The following MAPK8IP1 variants were observed in gnomAD, a reference collection of about 807,000 sequenced individuals.
The protein encoded by MAPK8IP1 is mitogen-activated protein kinase 8 interacting protein 1, also known as C-Jun-amino-terminal kinase-interacting protein 1.
Under a neutral mutation model 72.6 loss-of-function variants are expected in MAPK8IP1, and 17 were observed. The ratio of observed to expected loss-of-function variants is 0.23; its 90% CI spans 0.16 to 0.35. The LOEUF is 0.35. MAPK8IP1 is among the 10% of genes least tolerant of loss of function. MAPK8IP1 has a pLI of 1.00. For missense variants in MAPK8IP1, 789 were observed against 1,009.7 expected, an observed-to-expected ratio of 0.78 and a Z score of 2.96; for synonymous variants, 401 against 443.4, an observed-to-expected ratio of 0.90 and a Z score of 1.20.
Position 45,900,179 on chromosome 11 carries a change from G to T in MAPK8IP1, c.249G>T (p.Ala83=), listed in dbSNP as rs986935518. The change falls in exon 3 of 12, where the codon GCG becomes GCT. Residue 83 remains alanine (A), a synonymous_variant. Coordinates refer to ENST00000241014, the MANE Select transcript of MAPK8IP1 (RefSeq NM_005456.4). This position sits in a 1 kb window ranked among gnomAD's most constrained non-coding sequence, Gnocchi z 6.5. ...TGCTCTCTGCGGGCGGCGGCGGCGC[G>T]GGGAGCCGGTTGCAGGCCGAGATGC... ...AGLLSAGGGG[A]GSRLQAEMLQ... The T allele has an allele frequency of 5.3e-6, 7 of 1,313,414 alleles. No individual in the cohort carries two copies. The highest frequency in any genetic ancestry group is 1.6e-5 in the African/African-American group (1 of 64,298). 81.4% of individuals were successfully genotyped at this position (1,313,414 alleles called of 1,614,324 possible).
At chr11:45,892,528 C>T (rs60217858) in intron 1 of MAPK8IP1, among the ~76,000 whole-genome samples, 2 of 152,164 alleles carry the variant, frequency 1.3e-5, no homozygotes, top group African/African-American at 4.8e-5. Flanking sequence ...TACAGTGATA[C>T]GGAACCACAG....
chr11:45,899,997 C>T, intron 2 of MAPK8IP1, 141 bp from the exon 3 acceptor site: 1 of 422,224 alleles, frequency 2.4e-6, no homozygotes, highest in Non-Finnish European at 3.5e-6. Flanking sequence ...GCGAGAGCGC[C>T]CCAGTCTCCG....
At position 45,900,625 on chromosome 11, in the gene MAPK8IP1, C is replaced by T. The variant is rs1377288753; in HGVS notation, c.522+173C>T. Among the ~76,000 whole-genome samples the T allele has an allele frequency of 6.6e-6, 1 of 152,208 alleles. No individual in the cohort carries two copies. The highest frequency in any genetic ancestry group is 1.5e-5 in the Non-Finnish European group (1 of 68,032). On this transcript the variant is annotated intron_variant, in intron 3 of 11. Coordinates refer to ENST00000241014, the MANE Select transcript of MAPK8IP1 (RefSeq NM_005456.4). This position sits in a 1 kb window ranked among gnomAD's most constrained non-coding sequence, Gnocchi z 6.5. Reference sequence around the variant, plus strand: ...TTGGGATCCGAGGAGCGGGCAGAACCATCCTTACGAAGAGGGGGCTGAGTC... The same window carrying T: ...TTGGGATCCGAGGAGCGGGCAGAACTATCCTTACGAAGAGGGGGCTGAGTC...
At position 45,904,131 on chromosome 11, in the gene MAPK8IP1, G is replaced by A. The variant is rs150751406; in HGVS notation, c.1636G>A (p.Glu546Lys). ...TGTCTTTCCTGCCTATTACGCCATC[G>A]AGGTCACCAAGGAGCCCGAGCACAT... is the stretch of plus-strand genomic sequence containing the variant. ...RGVFPAYYAI[E>K]VTKEPEHMAA... The change falls in exon 7 of 12, where the codon GAG becomes AAG. Residue 546 changes from glutamate (E) to lysine (K), a missense_variant. Transcript: ENST00000241014. This position sits in a 1 kb window ranked among gnomAD's most constrained non-coding sequence, Gnocchi z 6.4. The A allele has an allele frequency of 1.9e-4, 302 of 1,613,782 alleles. No homozygotes were observed. The highest frequency in any genetic ancestry group is 2.4e-4 in the Non-Finnish European group (280 of 1,179,998).
In MAPK8IP1 at chr11:45,885,882, C is replaced by A. The variant is rs1479826590; in HGVS notation, c.62C>A (p.Pro21Gln). The change falls in exon 1 of 12, where the codon CCG (proline) becomes CAG (glutamine). Residue 21 changes from proline (P) to glutamine (Q), a missense_variant. By Grantham distance (76) the Pro-to-Gln change is moderately conservative. Coordinates refer to ENST00000241014, the MANE Select transcript of MAPK8IP1 (RefSeq NM_005456.4). Reference protein sequence around the residue: ...GGAASPPAASPFLGLHIASPP... With the variant: ...GGAASPPAASQFLGLHIASPP... ...GCCGCGTCCCCGCCCGCCGCCTCCC[C>A]GTTCCTGGGGCTGCACATCGCTTCG... 2.7e-6 allele frequency: 4 copies of A among 1,462,974 alleles called. No homozygotes were observed. The highest frequency in any genetic ancestry group is 3.0e-5 in the East Asian group (1 of 33,364). The allele number at this position is 1,462,974 out of a possible 1,614,324, so 90.6% of individuals were successfully genotyped here.
Position 45,885,743 on chromosome 11 carries a change from G to C in MAPK8IP1, c.-78G>C. 1.2e-6 allele frequency: 1 copy of C among 840,742 alleles called. No homozygotes were observed. The highest frequency in any genetic ancestry group is 1.6e-6 in the Non-Finnish European group (1 of 610,820). 52.1% of individuals were successfully genotyped at this position (840,742 alleles called of 1,614,324 possible). ...ACTCCGCGGCGGCGGCTGCCCTCTC[G>C]CCGCGCCTCCGCCTCCTTCGCAGCC... On this transcript the variant is annotated 5_prime_UTR_variant, in exon 1 of 12. Coordinates refer to ENST00000241014, the MANE Select transcript of MAPK8IP1 (RefSeq NM_005456.4).
intron 3 of MAPK8IP1, among the ~76,000 whole-genome samples, chr11:45,901,745 T>C (rs1350498335): frequency 6.6e-6 from 1 of 152,168 alleles, no homozygotes; most frequent in African/African-American, 2.4e-5. Context: ...TCCCTGAGGG[T>C]TGGCCAGCTT....
intron 1 of MAPK8IP1, among the ~76,000 whole-genome samples, chr11:45,893,905 G>A (rs1472464782): frequency 6.6e-6 from 1 of 151,598 alleles, no homozygotes; most frequent in Non-Finnish European, 1.5e-5. Context: ...GACCCCCCAG[G>A]GTTTTAGCTG....
intron 1 of MAPK8IP1, among the ~76,000 whole-genome samples, chr11:45,894,662 G>C (rs1170418439): frequency 6.6e-6 from 1 of 152,214 alleles, no homozygotes; most frequent in Non-Finnish European, 1.5e-5. Flanking sequence ...GGTGGAGGCA[G>C]AGGCTGTCCT....
Position 45,905,832 on chromosome 11 carries a change from A to T in MAPK8IP1, c.*111A>T. The T allele has an allele frequency of 9.1e-7, 1 of 1,096,824 alleles. No homozygotes were observed. The allele number at this position is 1,096,824 out of a possible 1,614,324, so 67.9% of individuals were successfully genotyped here. On this transcript the variant is annotated 3_prime_UTR_variant, in exon 12 of 12. Transcript: ENST00000241014. ...GAGGGGCACCTGCCACCGCCAGAGG[A>T]CAAGGAAGTGGGGGCCGCTGGCCCA...
Position 45,904,298 on chromosome 11 carries a change from A to T in MAPK8IP1, c.1666+137A>T, listed in dbSNP as rs2086684616. On this transcript the variant is annotated intron_variant, in intron 7 of 11. Transcript: ENST00000241014. The surrounding 1 kb of genome is among the most constrained non-coding windows in gnomAD (Gnocchi z 6.4). ...GAAGTGATTTTAGGTCCTTTTCACG[A>T]TCAAGCAAAGTGAGGCCCGGCCAAG... The T allele has an allele frequency of 8.0e-7, 1 of 1,254,848 alleles. No homozygotes were observed. Among genetic ancestry groups the T allele is most frequent in the South Asian group, 1.3e-5 (1 of 78,516 alleles). 77.7% of individuals were successfully genotyped at this position (1,254,848 alleles called of 1,614,324 possible).
At chr11:45,885,942 C>T (rs988857853) in intron 1 of MAPK8IP1, 21 bp downstream of exon 1, 5 of 1,441,198 alleles carry the variant, frequency 3.5e-6, no homozygotes, top group East Asian at 6.0e-5. Context: ...CCGGCCGCCG[C>T]GCGCCTCGCC....
intron 2 of MAPK8IP1, among the ~76,000 whole-genome samples, chr11:45,898,833 A>T (rs549062500): frequency 1.1e-4 from 17 of 152,330 alleles, no homozygotes; most frequent in Non-Finnish European, 1.9e-4. Context: ...GGAGGTCCCC[A>T]GCACCTGGGT....
At position 45,900,350 on chromosome 11, in the gene MAPK8IP1, G is replaced by A. The variant is rs982737707; in HGVS notation, c.420G>A (p.Gln140=). The part of the protein sequence containing the change: ...ESGQEPASRG[Q]GQSQGQSQGP... ...GCCAGGAGCCGGCGTCCCGCGGCCA[G>A]GGCCAGAGCCAAGGCCAGAGCCAGG... The change falls in exon 3 of 12, where the codon CAG becomes CAA. Residue 140 remains glutamine (Q), a synonymous_variant. Coordinates refer to ENST00000241014, the MANE Select transcript of MAPK8IP1 (RefSeq NM_005456.4). This position sits in a 1 kb window ranked among gnomAD's most constrained non-coding sequence, Gnocchi z 6.5. 76 of 1,483,082 alleles carry A rather than the reference G, an allele frequency of 5.1e-5. No homozygotes were observed. In the African/African-American group the frequency reaches 8.6e-4, roughly 17 times the overall value. The allele number at this position is 1,483,082 out of a possible 1,614,324, so 91.9% of individuals were successfully genotyped here.
At position 45,902,580 on chromosome 11, in the gene MAPK8IP1, C is replaced by T. The variant is rs749173639; in HGVS notation, c.813C>T (p.Ala271=). ...ATCGAGACCGAATCCACTACCAGGCCGATGTGCGACTAGAGGCCACTGAGG... is the reference window on the plus strand; with the variant it reads ...ATCGAGACCGAATCCACTACCAGGCTGATGTGCGACTAGAGGCCACTGAGG... ...HSHRDRIHYQ[A]DVRLEATEEI... The change falls in exon 5 of 12, where the codon GCC becomes GCT. Residue 271 remains alanine (A), a synonymous_variant. Transcript: ENST00000241014. The surrounding 1 kb of genome is among the most constrained non-coding windows in gnomAD (Gnocchi z 9.3). The T allele has an allele frequency of 6.8e-6, 11 of 1,612,818 alleles. No homozygotes were observed. The highest frequency in any genetic ancestry group is 5.3e-5 in the African/African-American group (4 of 74,990).
At chr11:45,893,153 A>G (rs540904200) in intron 1 of MAPK8IP1, among the ~76,000 whole-genome samples, 1 of 152,336 alleles carries the variant, frequency 6.6e-6, no homozygotes, top group East Asian at 1.9e-4. Flanking sequence ...CCTGGCTCAG[A>G]TTTGGCCTTG....
Position 45,903,911 on chromosome 11 carries a change from G to A in MAPK8IP1, c.1494-78G>A, listed in dbSNP as rs865968064. 17 of 1,325,632 alleles carry A rather than the reference G, an allele frequency of 1.3e-5. No individual in the cohort carries two copies. The African/African-American group carries it at 1.9e-4, about 15-fold the overall frequency. The allele number at this position is 1,325,632 out of a possible 1,614,324, so 82.1% of individuals were successfully genotyped here. A position where few individuals can be genotyped will look rare whatever the true frequency, so the allele number is the denominator to read the frequency against. ...TGTTTACTGAAATAACGATGCTGCT[G>A]TGGCTCCCAGACCCCAGAGTAGGCC... On this transcript the variant is annotated intron_variant, in intron 6 of 11. Coordinates refer to ENST00000241014, the MANE Select transcript of MAPK8IP1 (RefSeq NM_005456.4). The surrounding 1 kb of genome is among the most constrained non-coding windows in gnomAD (Gnocchi z 6.4).
rs1462972628 is a variant in MAPK8IP1 at position 45,903,806 on chromosome 11, C to T, written c.1494-183C>T. Among the ~76,000 whole-genome samples, 1 of 152,130 alleles carries T rather than the reference C, an allele frequency of 6.6e-6. No homozygotes were observed. Among genetic ancestry groups the T allele is most frequent in the African/African-American group, 2.4e-5 (1 of 41,414 alleles). The stretch of plus-strand genomic sequence containing the variant: ...CACCCTCCCTTGGCCTGTGTTTCCT[C>T]GATGGCAGATGCATGTCTGCTTGAC... On this transcript the variant is annotated intron_variant, in intron 6 of 11. Transcript: ENST00000241014. The surrounding 1 kb of genome is among the most constrained non-coding windows in gnomAD (Gnocchi z 6.4).
chr11:45,891,516 C>T (rs934846556), intron 1 of MAPK8IP1, among the ~76,000 whole-genome samples: 1 of 152,132 alleles, frequency 6.6e-6, no homozygotes, highest in Non-Finnish European at 1.5e-5. Flanking sequence ...ATGACCCTGC[C>T]CTCAGGAAAC....
Sources: allele counts gnomAD v4.1 joint callset (sites outside exome capture counted in the v4.1 genomes callset), GRCh38; gene constraint gnomAD v4.1.1; non-coding constraint Gnocchi (gnomAD v3.1); transcripts MANE v1.5; gene names NCBI Gene and HGNC (gene_info 2026-07-23, HGNC 2026-07-21).